RBFOX1: variants seen among roughly 807,000 people sequenced by gnomAD.
RBFOX1 encodes the protein RNA binding protein fox-1 homolog 1.
RBFOX1 carries 8 observed loss-of-function variants against 57.7 expected under a neutral mutation model. The ratio of observed to expected loss-of-function variants is 0.14; its 90% CI spans 0.08 to 0.25. The LOEUF (loss-of-function observed/expected upper bound fraction) is 0.25. Among genes scored for constraint, RBFOX1 ranks in the 10% least tolerant of loss-of-function variants. The pLI is 1.00. For missense variants in RBFOX1, 611 were observed against 548.5 expected (o/e 1.11, Z -1.14); for synonymous variants, 326 against 222.4 (o/e 1.47, Z -4.15).
chr16:6,092,546 A>G (rs780736293), intron 1 of RBFOX1: 3 of 152,216 alleles, frequency 2.0e-5, no homozygotes, highest in South Asian at 4.1e-4. Context: ...ACAAATTACC[A>G]TCATGAGTTT....
chr16:5,243,437 G>A (rs1299362790), intron 1 of RBFOX1, among the ~76,000 whole-genome samples: 2 of 152,148 alleles, frequency 1.3e-5, no homozygotes, highest in African/African-American at 4.8e-5. Context: ...TTCTTGCTGA[G>A]GAGAAACCTG....
intron 3 of RBFOX1, among the ~76,000 whole-genome samples, chr16:5,771,677 G>C (rs1217757220): frequency 6.6e-6 from 1 of 152,100 alleles, no homozygotes; most frequent in Non-Finnish European, 1.5e-5. Flanking sequence ...CCAGAGTGTT[G>C]GGATGACAGA....
Position 6,445,427 on chromosome 16 carries a change from T to C in RBFOX1, c.-64+128370T>C, listed in dbSNP as rs373777707. Among the ~76,000 whole-genome samples, 9 of 152,102 alleles carry C rather than the reference T, an allele frequency of 5.9e-5. No individual in the cohort carries two copies. In the East Asian group the frequency reaches 1.5e-3, roughly 26 times the overall value. On this transcript the variant is annotated intron_variant, in intron 2 of 15. Coordinates refer to ENST00000550418, the MANE Select transcript of RBFOX1 (RefSeq NM_018723.4). Reference sequence around the variant, plus strand: ...AGAAAAACTCTCTCAGTTGAGGTTATTGCGTTGAGATCAACAATGTGGTGT... The same window carrying C: ...AGAAAAACTCTCTCAGTTGAGGTTACTGCGTTGAGATCAACAATGTGGTGT...
At chr16:7,425,271 G>C (rs570201906) in intron 4 of RBFOX1, among the ~76,000 whole-genome samples, 1 of 152,226 alleles carries the variant, frequency 6.6e-6, no homozygotes, top group Admixed American at 6.5e-5. Flanking sequence ...GAGAGAAGTG[G>C]GGTTTAATTT....
chr16:5,495,496 A>G (rs1326407361), intron 2 of RBFOX1, among the ~76,000 whole-genome samples: 1 of 152,176 alleles, frequency 6.6e-6, no homozygotes, highest in Non-Finnish European at 1.5e-5. Context: ...GTTCAACATG[A>G]GATTTTGGTG....
chr16:5,427,963 T>C (rs555927894), intron 1 of RBFOX1, among the ~76,000 whole-genome samples: 16 of 152,362 alleles, frequency 1.1e-4, no homozygotes, highest in Admixed American at 4.6e-4. Context: ...CTGGAAACTC[T>C]TGACGAGAAG....
intron 10 of RBFOX1, 84 bp from the exon 11 acceptor site, chr16:7,630,519 C>T: frequency 6.3e-7 from 1 of 1,581,150 alleles, no homozygotes; most frequent in Non-Finnish European, 8.6e-7. Flanking sequence ...CATTTCTCTG[C>T]ATTTCTCGGT....
intron 2 of RBFOX1, among the ~76,000 whole-genome samples, chr16:6,552,580 A>G (rs1164483309): frequency 1.3e-5 from 2 of 152,224 alleles, no homozygotes; most frequent in Non-Finnish European, 2.9e-5. Context: ...ATGATAAACA[A>G]CAATACTTGA....
At chr16:5,866,068 A>C (rs1301095688) in intron 3 of RBFOX1, among the ~76,000 whole-genome samples, 1 of 152,162 alleles carries the variant, frequency 6.6e-6, no homozygotes, top group Non-Finnish European at 1.5e-5. Flanking sequence ...CCGCGGTTCA[A>C]GGGATTCTCC....
intron 3 of RBFOX1, among the ~76,000 whole-genome samples, chr16:5,825,602 A>C (rs1398468580): frequency 6.6e-6 from 1 of 152,218 alleles, no homozygotes; most frequent in East Asian, 1.9e-4. Flanking sequence ...AACCAATTTA[A>C]AGTGTACAAT....
chr16:6,737,561 C>G (rs532907842), intron 3 of RBFOX1, among the ~76,000 whole-genome samples: 1 of 152,158 alleles, frequency 6.6e-6, no homozygotes, highest in African/African-American at 2.4e-5. Flanking sequence ...AGTTTTAAAT[C>G]TGGACTCTGC....
At chr16:6,430,337 G>T (rs1416962493) in intron 2 of RBFOX1, among the ~76,000 whole-genome samples, 1 of 152,116 alleles carries the variant, frequency 6.6e-6, no homozygotes, top group Non-Finnish European at 1.5e-5. Flanking sequence ...ATGACAAAAT[G>T]CTATGATGTA....
chr16:6,789,958 G>A (rs966907715), intron 3 of RBFOX1, among the ~76,000 whole-genome samples: 1 of 151,060 alleles, frequency 6.6e-6, no homozygotes, highest in Non-Finnish European at 1.5e-5. Flanking sequence ...ATTGATTTCT[G>A]GTCTTCCGTA....
intron 3 of RBFOX1, among the ~76,000 whole-genome samples, chr16:7,018,829 C>G (rs544402580): frequency 5.9e-5 from 9 of 151,744 alleles, no homozygotes; most frequent in Admixed American, 4.6e-4. Context: ...AGATTAAAAC[C>G]CACTCTAGGC....
At chr16:6,164,133 A>G (rs1485469800) in intron 1 of RBFOX1, among the ~76,000 whole-genome samples, 2 of 152,178 alleles carry the variant, frequency 1.3e-5, no homozygotes, top group African/African-American at 2.4e-5. Flanking sequence ...TTCTGTGACC[A>G]TACGTTTTGT....
intron 1 of RBFOX1, among the ~76,000 whole-genome samples, chr16:6,094,854 G>A (rs2096224771): frequency 1.3e-5 from 2 of 152,352 alleles, no homozygotes; most frequent in Non-Finnish European, 2.9e-5. Context: ...GAGGTCATAA[G>A]TTTGAGACCA....
chr16:5,759,683 A>C (rs1307827828), intron 3 of RBFOX1, among the ~76,000 whole-genome samples: 1 of 152,178 alleles, frequency 6.6e-6, no homozygotes, highest in Non-Finnish European at 1.5e-5. Context: ...AATACCTTGC[A>C]GTGTTTCCCA....
chr16:6,204,005 C>G (rs1201734870), intron 1 of RBFOX1, among the ~76,000 whole-genome samples: 2 of 145,914 alleles, frequency 1.4e-5, no homozygotes, highest in Non-Finnish European at 3.0e-5. Context: ...TCGTGAATGA[C>G]TAACAATCTA....
intron 4 of RBFOX1, among the ~76,000 whole-genome samples, chr16:7,118,589 A>G (rs2066433015): frequency 6.6e-6 from 1 of 152,168 alleles, no homozygotes; most frequent in South Asian, 2.1e-4. Flanking sequence ...ATTAAAATAA[A>G]CCTTATATAA....
Sources: allele counts gnomAD v4.1 joint callset (sites outside exome capture counted in the v4.1 genomes callset), GRCh38; gene constraint gnomAD v4.1.1; transcripts MANE v1.5; gene names NCBI Gene and HGNC (gene_info 2026-07-23, HGNC 2026-07-21).